The following CNTNAP2 variants were observed in gnomAD, a reference collection of about 807,000 sequenced individuals.
CNTNAP2 encodes the protein contactin-associated protein-like 2.
Under a neutral mutation model 155.2 loss-of-function variants are expected in CNTNAP2, and 98 were observed. The observed-to-expected ratio is 0.63, with a 90% CI of 0.54 to 0.75. The LOEUF (loss-of-function observed/expected upper bound fraction) is 0.75, where lower values mean the gene tolerates loss of function less well. Ranked by LOEUF, CNTNAP2 falls within the 30% of genes least tolerant of loss-of-function variation. CNTNAP2 has a pLI of 0.00. For missense variants in CNTNAP2, 1,727 were observed against 1,688.1 expected (o/e 1.02, Z -0.40); for synonymous variants, 651 against 631.2 (o/e 1.03, Z -0.47).
chr7:146,697,949 A>G (rs1290992551), intron 1 of CNTNAP2, among the ~76,000 whole-genome samples: 1 of 151,786 alleles, frequency 6.6e-6, no homozygotes, highest in Non-Finnish European at 1.5e-5. Context: ...TCTCTTTTTT[A>G]CTTCTATTTT....
chr7:146,797,410 C>A (rs1293495960), intron 2 of CNTNAP2, among the ~76,000 whole-genome samples: 1 of 152,146 alleles, frequency 6.6e-6, no homozygotes, highest in African/African-American at 2.4e-5. Context: ...GATAAATTTG[C>A]ATTTTGTCTT....
At chr7:147,689,151 CTT>C (rs5888280) in intron 13 of CNTNAP2, among the ~76,000 whole-genome samples, 198 of 139,396 alleles carry the variant, frequency 1.4e-3, no homozygotes, top group Middle Eastern at 7.2e-3. Context: ...ATAATTACTA[CTT>C]TTTTTTTTTT....
chr7:146,332,033 T>A (rs6464751), intron 1 of CNTNAP2, among the ~76,000 whole-genome samples: 19,177 of 152,064 alleles, frequency 0.13, 3,646 homozygotes, highest in African/African-American at 0.41. Flanking sequence ...GTATGTGTAT[T>A]TATGTAAAAA....
chr7:147,174,094 A>G (rs1230880502), intron 8 of CNTNAP2, among the ~76,000 whole-genome samples: 3 of 152,138 alleles, frequency 2.0e-5, no homozygotes, highest in Non-Finnish European at 2.9e-5. Context: ...CAAAAAAACC[A>G]GCAAACCACA....
chr7:148,263,139 CCTT>C (rs1000496662), intron 20 of CNTNAP2: 4 of 147,886 alleles, frequency 2.7e-5, no homozygotes, highest in African/African-American at 1.0e-4. Flanking sequence ...CTCCTTCCCT[CCTT>C]TGAGAATTTC....
At chr7:146,947,022 A>G (rs1028164074) in intron 3 of CNTNAP2, among the ~76,000 whole-genome samples, 1 of 151,826 alleles carries the variant, frequency 6.6e-6, no homozygotes, top group Non-Finnish European at 1.5e-5. Context: ...TAAAAATATC[A>G]ATTTATTTAT....
At position 147,450,000 on chromosome 7, in the gene CNTNAP2, C is replaced by T. The variant is rs557180612; in HGVS notation, c.1671-35935C>T. On this transcript the variant is annotated intron_variant, in intron 10 of 23. Transcript: ENST00000361727. ...TCAATCCCCATTCTTCTGTGGTAGG[C>T]AAAAATTTGTAAATCCCCCAACCAA... Among the ~76,000 whole-genome samples, 11 of 152,228 alleles carry T rather than the reference C, an allele frequency of 7.2e-5. No homozygotes were observed. In the South Asian group the frequency reaches 2.3e-3, roughly 32 times the overall value.
intron 13 of CNTNAP2, among the ~76,000 whole-genome samples, chr7:147,753,588 G>A (rs564110504): frequency 8.5e-5 from 13 of 152,068 alleles, no homozygotes; most frequent in East Asian, 3.9e-4. Context: ...CACAGAAATC[G>A]AAGAAATTTG....
chr7:147,229,662 G>A (rs1254453429), intron 8 of CNTNAP2, among the ~76,000 whole-genome samples: 1 of 152,130 alleles, frequency 6.6e-6, no homozygotes, highest in Non-Finnish European at 1.5e-5. Context: ...AAACTCCTAG[G>A]TAGTAATCAA....
intron 2 of CNTNAP2, among the ~76,000 whole-genome samples, chr7:146,791,807 C>T (rs551706974): frequency 3.3e-5 from 5 of 152,248 alleles, no homozygotes; most frequent in African/African-American, 1.2e-4. Context: ...TCTGGAATGC[C>T]AACAATTTAA....
intron 1 of CNTNAP2, among the ~76,000 whole-genome samples, chr7:146,554,690 G>A (rs921955531): frequency 6.6e-6 from 1 of 152,192 alleles, no homozygotes; most frequent in African/African-American, 2.4e-5. Context: ...CTCACAGGCT[G>A]GCCGTGCTAC....
rs550625916 is a variant in CNTNAP2 at position 146,529,769 on chromosome 7, A to G, written c.98-244502A>G. Among the ~76,000 whole-genome samples, 5 of 152,180 alleles carry G rather than the reference A, an allele frequency of 3.3e-5. No homozygotes were observed. In the East Asian group the frequency reaches 9.7e-4, roughly 29 times the overall value. ...TTCACGAGATCAAGAGATTGAGACCATCCTGGCCAACATGGTGAAACCCCG... is the reference window on the plus strand; with the variant it reads ...TTCACGAGATCAAGAGATTGAGACCGTCCTGGCCAACATGGTGAAACCCCG... On this transcript the variant is annotated intron_variant, in intron 1 of 23. Coordinates refer to ENST00000361727, the MANE Select transcript of CNTNAP2 (RefSeq NM_014141.6).
Position 148,147,631 on chromosome 7 carries a change from G to T in CNTNAP2, c.2695G>T (p.Asp899Tyr). Reference protein sequence around the residue: ...RNVKQASLQVDRLPQQIRKAP... With the variant: ...RNVKQASLQVYRLPQQIRKAP... Reference sequence around the variant, plus strand: ...TGTCAAGCAGGCCAGCCTACAGGTGGACCGGCTACCGCAGCAGATCCGCAA... The same window carrying T: ...TGTCAAGCAGGCCAGCCTACAGGTGTACCGGCTACCGCAGCAGATCCGCAA... The change falls in exon 17 of 24, where the codon GAC (aspartate) becomes TAC (tyrosine). Residue 899 changes from aspartate (D) to tyrosine (Y), a missense_variant. By Grantham distance (160) the Asp-to-Tyr change is radical. Transcript: ENST00000361727. The T allele has an allele frequency of 1.2e-6, 2 of 1,614,124 alleles. No individual in the cohort carries two copies. The highest frequency in any genetic ancestry group is 8.5e-7 in the Non-Finnish European group (1 of 1,180,032).
At chr7:146,474,997 G>GCA (rs1279316735) in intron 1 of CNTNAP2, among the ~76,000 whole-genome samples, 1 of 132,360 alleles carries the variant, frequency 7.6e-6, no homozygotes, top group Non-Finnish European at 1.6e-5. Context: ...GCACGAGCGC[G>GCA]CACGCGCGCG....
intron 12 of CNTNAP2, among the ~76,000 whole-genome samples, chr7:147,629,952 C>A (rs1771912954): frequency 6.7e-6 from 1 of 150,178 alleles, no homozygotes; most frequent in African/African-American, 2.5e-5. Flanking sequence ...GCAAACCCAG[C>A]AGAAAAAAAG....
chr7:147,770,603 T>A (rs150064435), intron 13 of CNTNAP2, among the ~76,000 whole-genome samples: 46 of 152,272 alleles, frequency 3.0e-4, no homozygotes, highest in Middle Eastern at 3.4e-3. Context: ...GAGATTTTTT[T>A]AAAATATCTT....
intron 3 of CNTNAP2, among the ~76,000 whole-genome samples, chr7:146,943,864 A>G (rs887142506): frequency 6.6e-6 from 1 of 152,224 alleles, no homozygotes; most frequent in African/African-American, 2.4e-5. Context: ...GCTTACATGA[A>G]GATGATTAGC....
chr7:146,221,428 A>G (rs1202723457), intron 1 of CNTNAP2, among the ~76,000 whole-genome samples: 2 of 152,224 alleles, frequency 1.3e-5, no homozygotes, highest in Non-Finnish European at 2.9e-5. Context: ...ACTGAAGGAT[A>G]TACTGAATTT....
chr7:146,400,257 C>A (rs1209525598), intron 1 of CNTNAP2, among the ~76,000 whole-genome samples: 1 of 124,354 alleles, frequency 8.0e-6, no homozygotes, highest in Non-Finnish European at 1.6e-5. Flanking sequence ...CTGGAGAAAG[C>A]TATTCTAGTA....
Sources: gnomAD v4.1 joint callset for allele counts (sites outside exome capture counted in the v4.1 genomes callset) on GRCh38, gnomAD v4.1.1 for gene constraint, MANE v1.5 for transcripts, NCBI Gene and HGNC (gene_info 2026-07-23, HGNC 2026-07-21) for gene names.